Variants in CELF2 observed in about 807,000 individuals in gnomAD.
CELF2 encodes the protein CUG triplet repeat RNA-binding protein 2.
A neutral mutation model predicts 62.6 loss-of-function variants in CELF2; 8 were observed. The ratio of observed to expected loss-of-function variants is 0.13; its 90% confidence interval spans 0.07 to 0.23. CELF2 has a LOEUF of 0.23. Among genes scored for constraint, CELF2 ranks in the 10% least tolerant of loss-of-function variants. The pLI, the probability that CELF2 is intolerant of heterozygous loss-of-function variation, is 1.00. For missense variants in CELF2, 333 were observed against 671.0 expected (o/e 0.50, Z 5.56); for synonymous variants, 258 against 250.0 (o/e 1.03, Z -0.30).
At chr10:10,766,848 T>G in the CELF2 span, among the ~76,000 whole-genome samples, 3 of 152,212 alleles carry the variant, frequency 2.0e-5, no homozygotes, top group African/African-American at 7.2e-5. Context: ...TCTACAGGCT[T>G]TGTACCCACT....
At chr10:11,001,270 C>T (rs1010082416), upstream of CELF2, among the ~76,000 whole-genome samples, 2 of 152,170 alleles carry the variant, frequency 1.3e-5, no homozygotes, top group Admixed American at 1.3e-4. Context: ...TCCTTGATGC[C>T]TCCACATTCC....
intron 9 of CELF2, among the ~76,000 whole-genome samples, chr10:11,312,441 A>G (rs1330112783): frequency 6.6e-6 from 1 of 152,278 alleles, no homozygotes; most frequent in Non-Finnish European, 1.5e-5. Flanking sequence ...ACATGACTAC[A>G]TGAATATCCC....
the CELF2 span, among the ~76,000 whole-genome samples, chr10:10,576,140 C>T: frequency 3.2e-4 from 49 of 152,246 alleles, no homozygotes; most frequent in Non-Finnish European, 5.9e-4. Flanking sequence ...CTCGCATGGC[C>T]AGAACTGCAA....
intron 1 of CELF2, among the ~76,000 whole-genome samples, chr10:11,009,008 G>A (rs1201452281): frequency 1.8e-4 from 4 of 22,316 alleles, no homozygotes; most frequent in African/African-American, 1.2e-3. Flanking sequence ...GAATTTGCGG[G>A]GGGGGGGGGG....
At chr10:10,587,278 A>T in the CELF2 span, among the ~76,000 whole-genome samples, 8 of 152,220 alleles carry the variant, frequency 5.3e-5, no homozygotes, top group Admixed American at 3.9e-4. Context: ...TGTCGATAGG[A>T]CATGCATAAT....
rs943616960 is a variant in CELF2, at chr10:10,957,697, G to C, written c.89+37698G>C. On this transcript the variant is annotated intron_variant, in intron 2 of 13. Coordinates refer to the CELF2 transcript ENST00000636488. This position sits in a 1 kb window ranked among gnomAD's most constrained non-coding sequence, Gnocchi z 4.1. ...TGGCCAAATTCTCCAGCTTCTCCTT[G>C]CTCACATGTCTTCAAAAGAGTTGGT... is the stretch of plus-strand genomic sequence containing the variant. Among the ~76,000 whole-genome samples, 1 of 152,132 alleles carries C rather than the reference G, an allele frequency of 6.6e-6. No individual in the cohort carries two copies. Among genetic ancestry groups the C allele is most frequent in the Admixed American group, 6.5e-5 (1 of 15,276 alleles).
chr10:10,499,988 T>G, the CELF2 span, among the ~76,000 whole-genome samples: 1 of 152,178 alleles, frequency 6.6e-6, no homozygotes. Flanking sequence ...TTTTCACTTT[T>G]GCTAAGTATA....
At chr10:10,651,605 G>A in the CELF2 span, among the ~76,000 whole-genome samples, 1 of 145,284 alleles carries the variant, frequency 6.9e-6, no homozygotes, top group African/African-American at 2.5e-5. Context: ...CCCCCAGCAG[G>A]GGCACACTGA....
At position 11,217,819 on chromosome 10, in the gene CELF2, A is replaced by AAC. The variant is rs2063735445; in HGVS notation, c.354+320_354+321dup. Among the ~76,000 whole-genome samples, 1 of 152,210 alleles carries AAC rather than the reference A, an allele frequency of 6.6e-6. No individual in the cohort carries two copies. The highest frequency in any genetic ancestry group is 2.1e-4 in the South Asian group (1 of 4,832). ...AGATTTTAAAAGGAAAAAAAAACCC[A>AAC]ACACACACAAGAGAAGCAAATGGAA... On this transcript the variant is annotated intron_variant, in intron 3 of 12. Coordinates refer to ENST00000633077, the MANE Select transcript of CELF2 (RefSeq NM_001326342.2). The surrounding 1 kb of genome is among the most constrained non-coding windows in gnomAD (Gnocchi z 5.6).
Position 11,254,043 on chromosome 10 carries a change from G to T in CELF2, c.404-3695G>T, listed in dbSNP as rs17452884. 4.6e-5 allele frequency among the ~76,000 whole-genome samples: 7 copies of T among 152,164 alleles called. No individual in the cohort carries two copies. The East Asian group carries it at 1.3e-3, about 29-fold the overall frequency. ...AAAATAAGTGAGATACTTAGTGCCC[G>T]TGAATACTCAGGAAAAACTCACCAA... On this transcript the variant is annotated intron_variant, in intron 4 of 12. Transcript: ENST00000633077.
At chr10:11,234,279 A>G (rs556845703) in intron 3 of CELF2, among the ~76,000 whole-genome samples, 81 of 152,226 alleles carry the variant, frequency 5.3e-4, no homozygotes, top group Non-Finnish European at 1.0e-3. Context: ...GAACATTGTC[A>G]GAGCCCGGCT....
At chr10:11,232,765 AGGAGATAGCCCACATTCATGGATG>A (rs2136453599) in intron 3 of CELF2, among the ~76,000 whole-genome samples, 1 of 152,204 alleles carries the variant, frequency 6.6e-6, no homozygotes, top group South Asian at 2.1e-4. Flanking sequence ...ATTCATGGAT[AGGAGATAGCCCACATTCATGGATG>A]GGAGAAGAAA....
chr10:10,747,659 A>G, the CELF2 span, among the ~76,000 whole-genome samples: 1 of 152,164 alleles, frequency 6.6e-6, no homozygotes, highest in Non-Finnish European at 1.5e-5. Context: ...ATGGCAGGGG[A>G]CAGCCAGGGA....
chr10:11,044,133 A>C (rs1165444297), intron 1 of CELF2, among the ~76,000 whole-genome samples: 1 of 152,326 alleles, frequency 6.6e-6, no homozygotes, highest in East Asian at 1.9e-4. Flanking sequence ...CATCTCAAAA[A>C]AACAGTGTCC....
the CELF2 span, among the ~76,000 whole-genome samples, chr10:10,639,148 T>C: frequency 6.6e-6 from 1 of 152,242 alleles, no homozygotes; most frequent in Non-Finnish European, 1.5e-5. Flanking sequence ...GTCCTAGAAA[T>C]ATGTGCAATT....
At chr10:11,175,121 A>G (rs1283711736) in intron 2 of CELF2, among the ~76,000 whole-genome samples, 2 of 151,954 alleles carry the variant, frequency 1.3e-5, no homozygotes, top group Non-Finnish European at 2.9e-5. Context: ...AGTGTTACGG[A>G]ACAGGTAATC....
chr10:10,933,030 C>T (rs1490018633), intron 2 of CELF2, among the ~76,000 whole-genome samples: 2 of 152,078 alleles, frequency 1.3e-5, no homozygotes, highest in East Asian at 1.9e-4. Context: ...CACAGTGGCT[C>T]ATGCCTGTAA....
At chr10:10,960,391 T>A (rs2049361111) in intron 2 of CELF2, 1 of 152,360 alleles carries the variant, frequency 6.6e-6, no homozygotes, top group South Asian at 2.1e-4. Flanking sequence ...CCAGTACCCA[T>A]CCTGTAGAAA....
intron 1 of CELF2, among the ~76,000 whole-genome samples, chr10:11,042,580 T>A (rs1368888861): frequency 6.6e-6 from 1 of 152,184 alleles, no homozygotes; most frequent in Non-Finnish European, 1.5e-5. Flanking sequence ...AAATGTTCAA[T>A]TCAGTGGTTT....
Sources: allele counts gnomAD v4.1 joint callset (sites outside exome capture counted in the v4.1 genomes callset), GRCh38; gene constraint gnomAD v4.1.1; non-coding constraint Gnocchi (gnomAD v3.1); transcripts MANE v1.5; gene names NCBI Gene and HGNC (gene_info 2026-07-23, HGNC 2026-07-21).